The following ABCC10 variants were observed in gnomAD, a reference collection of about 807,000 sequenced individuals.
ABCC10 encodes the protein ATP-binding cassette sub-family C member 10.
ABCC10 carries 110 observed loss-of-function variants against 143.2 expected under a neutral mutation model. The observed-to-expected ratio is 0.77, with a 90% confidence interval of 0.66 to 0.90. The LOEUF (loss-of-function observed/expected upper bound fraction) is 0.90, where lower values mean the gene tolerates loss of function less well. Among genes scored for constraint, ABCC10 ranks in the 40% least tolerant of loss-of-function variants. The pLI, the probability that ABCC10 is intolerant of heterozygous loss-of-function variation, is 0.00. For synonymous variants in ABCC10, 805 were observed against 846.7 expected, an observed-to-expected ratio of 0.95 and a Z score of 0.85; for missense variants, 1,700 against 1,900.5, an observed-to-expected ratio of 0.89 and a Z score of 1.96.
chr6:43,440,123 A>G (rs1317954998), intron 8 of ABCC10, among the ~76,000 whole-genome samples: 1 of 151,356 alleles, frequency 6.6e-6, no homozygotes, highest in Non-Finnish European at 1.5e-5. Flanking sequence ...CGCCTGCCTA[A>G]TTTTTGTATT....
intron 12 of ABCC10, among the ~76,000 whole-genome samples, 174 bp downstream of exon 12, chr6:43,444,527 T>C (rs1782818678): frequency 6.6e-6 from 1 of 152,240 alleles, no homozygotes; most frequent in African/African-American, 2.4e-5. Flanking sequence ...ATGTGCTCTA[T>C]AGCTGGCTTC....
intron 6 of ABCC10, among the ~76,000 whole-genome samples, chr6:43,437,405 C>A (rs747062683): frequency 8.5e-6 from 1 of 117,960 alleles, no homozygotes. Flanking sequence ...TTTTTTTGAG[C>A]AGGGAGATAG....
At chr6:43,442,915 C>A in intron 9 of ABCC10, 55 bp from the exon 10 acceptor site, 1 of 1,449,600 alleles carries the variant, frequency 6.9e-7, no homozygotes. Flanking sequence ...ACTTTGAGAT[C>A]TTCTCCGGAG....
At position 43,443,886 on chromosome 6, in the gene ABCC10, T is replaced by G; in HGVS notation, c.2417-47T>G. 6.4e-7 allele frequency: 1 copy of G among 1,551,458 alleles called. No homozygotes were observed. Among genetic ancestry groups the G allele is most frequent in the Non-Finnish European group, 8.9e-7 (1 of 1,122,922 alleles). On this transcript the variant is annotated intron_variant, in intron 10 of 21. Transcript: ENST00000372530. The surrounding 1 kb of genome is among the most constrained non-coding windows in gnomAD (Gnocchi z 4.2). ...TGCACACGCACTGAGAAAGGCATAG[T>G]ATAGACTCAGAACAGTCCTCTCCCA...
rs1372266163 is a variant in ABCC10, at chr6:43,438,662, G to A, written c.1994G>A (p.Gly665Asp). Reference sequence around the variant, plus strand: ...GTGGCAGTGCGGGGGCTGTCCAAGGGCTTTGGCCTGGCCACCCAGGAACCC... The same window carrying A: ...GTGGCAGTGCGGGGGCTGTCCAAGGACTTTGGCCTGGCCACCCAGGAACCC... ...GHVAVRGLSK[G>D]FGLATQEPWI... Residue 665 changes from glycine (G) to aspartate (D), a missense_variant, in exon 8 of 22, where the codon GGC becomes GAC. Coordinates refer to ENST00000372530, the MANE Select transcript of ABCC10 (RefSeq NM_001198934.2). 1 of 1,614,064 alleles carries A rather than the reference G, an allele frequency of 6.2e-7. No individual in the cohort carries two copies. The highest frequency in any genetic ancestry group is 1.3e-5 in the African/African-American group (1 of 74,938).
chr6:43,432,056 A>G (rs1179813565), intron 2 of ABCC10, 86 bp from the exon 3 acceptor site: 2 of 1,546,472 alleles, frequency 1.3e-6, no homozygotes, highest in Non-Finnish European at 1.7e-6. Context: ...TTGATTCCTT[A>G]GGTAAGTGAA....
rs142010618 is a variant in ABCC10 at position 43,444,794 on chromosome 6, G to A, written c.2696G>A (p.Arg899Gln). 2.0e-4 allele frequency: 313 copies of A among 1,595,100 alleles called. No individual in the cohort carries two copies. The highest frequency in any genetic ancestry group is 2.5e-4 in the Non-Finnish European group (291 of 1,171,558). ...LFSLLLMQAT[R>Q]NAADWWLSHW... ...CCTTCCTGTCCCCACCCAGCCACGC[G>A]GAACGCTGCTGACTGGTGGCTCTCC... Residue 899 changes from arginine to glutamine, a missense_variant, in exon 13 of 22, where the codon CGG becomes CAG. Transcript: ENST00000372530.
At chr6:43,438,288 G>C in intron 7 of ABCC10, 1 of 1,302,132 alleles carries the variant, frequency 7.7e-7, no homozygotes, top group African/African-American at 1.5e-5. Flanking sequence ...GCTGTGCAGA[G>C]AAGGGATCCA....
chr6:43,431,963 T>C (rs1781183084), intron 2 of ABCC10, 179 bp from the exon 3 acceptor site: 11 of 1,425,512 alleles, frequency 7.7e-6, no homozygotes, highest in Non-Finnish European at 1.0e-5. Context: ...GTTAGGTTCA[T>C]CTGGGAAGAC....
chr6:43,445,077 C>T (rs778580822), intron 13 of ABCC10, 48 bp from the exon 14 acceptor site: 17 of 1,601,018 alleles, frequency 1.1e-5, no homozygotes, highest in East Asian at 2.2e-5. Flanking sequence ...AAAGGACCCC[C>T]GAGTGGCCCT....
chr6:43,444,361 C>T lies in ABCC10; in HGVS notation c.2689+8C>T, dbSNP rs1343203798. ...CTCTGCTTCTCATGCAAGGTGAGAG[C>T]GTGCCTGGGAGTCTCTTACATCGTA... On this transcript the variant is annotated splice_region_variant and intron_variant, in intron 12 of 21. Transcript: ENST00000372530. 6 of 1,593,970 alleles carry T rather than the reference C, an allele frequency of 3.8e-6. No homozygotes were observed. Among genetic ancestry groups the T allele is most frequent in the Non-Finnish European group, 5.1e-6 (6 of 1,171,078 alleles).
chr6:43,428,254 T>C (rs1780717686), intron 2 of ABCC10, 115 bp downstream of exon 2: 2 of 1,225,118 alleles, frequency 1.6e-6, no homozygotes, highest in African/African-American at 1.5e-5. Context: ...AGGGCAGAAG[T>C]AGAATAAAAT....
chr6:43,428,203 A>C (rs547837642), intron 2 of ABCC10, 64 bp downstream of exon 2: 1 of 1,441,118 alleles, frequency 6.9e-7, no homozygotes, highest in South Asian at 1.4e-5. Context: ...CGCGGCCTAC[A>C]TCTTCCGGCA....
Position 43,427,913 on chromosome 6 carries a change from G to GCAGGCA in ABCC10, c.-11-54_-11-49dup, listed in dbSNP as rs745495146. Reference sequence around the variant, plus strand: ...AGACAGGGAGACCCGGCTGGGAAGTGCAGGCAAAGCCGGCTGTTACCCTGC... The same window carrying GCAGGCA: ...AGACAGGGAGACCCGGCTGGGAAGTGCAGGCACAGGCAAAGCCGGCTGTTACCCTGC... On this transcript the variant is annotated intron_variant, in intron 1 of 21. Coordinates refer to ENST00000372530, the MANE Select transcript of ABCC10 (RefSeq NM_001198934.2). The GCAGGCA allele has an allele frequency of 6.9e-6, 11 of 1,594,516 alleles. No individual in the cohort carries two copies. The East Asian group carries it at 2.5e-4, about 36-fold the overall frequency.
In ABCC10 at chr6:43,447,231, G is replaced by A; in HGVS notation, c.3545-17G>A. 2 of 1,609,630 alleles carry A rather than the reference G, an allele frequency of 1.2e-6. No individual in the cohort carries two copies. Reference sequence around the variant, plus strand: ...GGTGTCCAAGCTCTCCCAGCAGCTGGTACTTCTCTCCCCCAGGGCTGGTGG... The same window carrying A: ...GGTGTCCAAGCTCTCCCAGCAGCTGATACTTCTCTCCCCCAGGGCTGGTGG... On this transcript the variant is annotated splice_polypyrimidine_tract_variant and intron_variant, in intron 16 of 21. Coordinates refer to ENST00000372530, the MANE Select transcript of ABCC10 (RefSeq NM_001198934.2).
rs1359098926 is a variant in ABCC10, at chr6:43,434,275, C to T, written c.1381-346C>T. On this transcript the variant is annotated intron_variant, in intron 3 of 21. Coordinates refer to ENST00000372530, the MANE Select transcript of ABCC10 (RefSeq NM_001198934.2). The stretch of plus-strand genomic sequence containing the variant: ...TTGGTTTTGGGAGATAGCCCTTTGT[C>T]CCTCATCTAATGGGAGGAGAGCTTT... 3.9e-5 allele frequency among the ~76,000 whole-genome samples: 6 copies of T among 152,270 alleles called. No individual in the cohort carries two copies. The East Asian group carries it at 1.2e-3, about 29-fold the overall frequency.
Position 43,431,609 on chromosome 6 carries a change from G to A in ABCC10, c.162-533G>A, listed in dbSNP as rs576852347. 8.6e-5 allele frequency: 15 copies of A among 174,104 alleles called. No homozygotes were observed. In the South Asian group the frequency reaches 1.5e-3, roughly 18 times the overall value. 10.8% of individuals were successfully genotyped at this position (174,104 alleles called of 1,614,324 possible). A position where few individuals can be genotyped will look rare whatever the true frequency, so the allele number is the denominator to read the frequency against. On this transcript the variant is annotated intron_variant, in intron 2 of 21. Coordinates refer to ENST00000372530, the MANE Select transcript of ABCC10 (RefSeq NM_001198934.2). ...ACTCCTAACCTCAGGCGATCCTCCC[G>A]TCTCAGCCTCCCAAAGTGCTAGGAT... is the stretch of plus-strand genomic sequence containing the variant.
Position 43,449,548 on chromosome 6 carries a change from T to C in ABCC10, c.4316+14T>C. 6.2e-7 allele frequency: 1 copy of C among 1,602,662 alleles called. No individual in the cohort carries two copies. The highest frequency in any genetic ancestry group is 1.1e-5 in the South Asian group (1 of 90,330). ...CATTGCCCATAGGTATGTAAACGCC[T>C]GGTAACAGCCTAATCAGGGACTGTG... is the stretch of plus-strand genomic sequence containing the variant. On this transcript the variant is annotated intron_variant, in intron 21 of 21. Coordinates refer to ENST00000372530, the MANE Select transcript of ABCC10 (RefSeq NM_001198934.2).
intron 7 of ABCC10, chr6:43,438,224 A>G (rs1781964553): frequency 1.1e-6 from 1 of 937,766 alleles, no homozygotes; most frequent in Non-Finnish European, 1.5e-6. Flanking sequence ...AAATGCTATA[A>G]TAGTCAGCAA....
Sources: gnomAD v4.1 joint callset for allele counts (sites outside exome capture counted in the v4.1 genomes callset) on GRCh38, gnomAD v4.1.1 for gene constraint, Gnocchi (gnomAD v3.1) non-coding constraint, MANE v1.5 for transcripts, NCBI Gene and HGNC (gene_info 2026-07-23, HGNC 2026-07-21) for gene names.